PRTG: variants seen among roughly 807,000 people sequenced by gnomAD.
The protein encoded by PRTG is protogenin.
In PRTG, 67 loss-of-function variants were observed where a neutral mutation model predicts 122.5. That is an observed-to-expected ratio of 0.55 (90% CI 0.45 to 0.67). The LOEUF (loss-of-function observed/expected upper bound fraction) is 0.67, where lower values mean the gene tolerates loss of function less well. Ranked by LOEUF, PRTG falls within the 30% of genes least tolerant of loss-of-function variation. The probability of loss-of-function intolerance (pLI) is 0.00; values close to 1 mark genes in which losing one functional copy is unlikely to be tolerated. For synonymous variants in PRTG, 554 were observed against 501.1 expected (o/e 1.11, Z -1.41); for missense variants, 1,435 against 1,415.4 (o/e 1.01, Z -0.22).
intron 2 of PRTG, among the ~76,000 whole-genome samples, chr15:55,726,580 C>G (rs1295709295): frequency 6.7e-6 from 1 of 149,636 alleles, no homozygotes; most frequent in Admixed American, 6.7e-5. Context: ...TACAGTGAGC[C>G]GAGGCTATGC....
At chr15:55,648,286 C>T (rs967340027) in intron 11 of PRTG, among the ~76,000 whole-genome samples, 10 of 152,002 alleles carry the variant, frequency 6.6e-5, no homozygotes, top group Non-Finnish European at 1.3e-4. Context: ...GTTTCTTATC[C>T]TCAATGACCA....
intron 15 of PRTG, among the ~76,000 whole-genome samples, chr15:55,633,765 T>C (rs2059240787): frequency 1.3e-5 from 2 of 152,230 alleles, no homozygotes; most frequent in Admixed American, 1.3e-4. Context: ...TAAACTCAGT[T>C]GCTTTTTACT....
Position 55,625,020 on chromosome 15 carries a change from T to C in PRTG, c.2928-513A>G, listed in dbSNP as rs575769947. ...AGAACTATTTCATTAACATAATGTT[T>C]TGAGTAGTATGTTTCCATGTAGAGC... On this transcript the variant is annotated intron_variant, in intron 17 of 19. Transcript: ENST00000389286. 2.0e-5 allele frequency among the ~76,000 whole-genome samples: 3 copies of C among 152,330 alleles called. No homozygotes were observed. The South Asian group carries it at 6.2e-4, about 32-fold the overall frequency.
rs2059199431 is a variant in PRTG at position 55,627,139 on chromosome 15, A to T, written c.2807-11T>A. ...AATATCCTGAATAAACTAGAAGGGA[A>T]AACACATTTACTCAGAATCAATCAG... On this transcript the variant is annotated splice_polypyrimidine_tract_variant and intron_variant, in intron 16 of 19. Transcript: ENST00000389286. 6.4e-7 allele frequency: 1 copy of T among 1,566,058 alleles called. No homozygotes were observed. Among genetic ancestry groups the T allele is most frequent in the Non-Finnish European group, 8.7e-7 (1 of 1,148,340 alleles).
At chr15:55,732,475 G>A (rs1314597142) in intron 2 of PRTG, among the ~76,000 whole-genome samples, 2 of 148,988 alleles carry the variant, frequency 1.3e-5, no homozygotes, top group Non-Finnish European at 3.0e-5. Flanking sequence ...ATGAGCAACT[G>A]CGCCTGGCCA....
intron 4 of PRTG, among the ~76,000 whole-genome samples, chr15:55,681,793 C>T (rs1319038064): frequency 6.6e-5 from 10 of 152,074 alleles, no homozygotes; most frequent in Non-Finnish European, 1.2e-4. Context: ...CTGGTAGAAA[C>T]GGATGACTGT....
Position 55,673,412 on chromosome 15 carries a change from A to C in PRTG, c.1811T>G (p.Val604Gly), listed in dbSNP as rs1445850346. The C allele has an allele frequency of 2.5e-6, 4 of 1,614,164 alleles. No homozygotes were observed. The East Asian group carries it at 8.9e-5, about 36-fold the overall frequency. The change falls in exon 10 of 20, where the codon GTA becomes GGA. Residue 604 changes from valine to glycine, a missense_variant. Transcript: ENST00000389286. ...ATRVGLGESS[V>G]WTSHRTPKAT... is the part of the protein sequence containing the mutation. ...TTTGGGCGTCCTATGTGAAGTCCATACTGATGACTCTCCCAGCCCCACTCT... is the reference window on the plus strand; with the variant it reads ...TTTGGGCGTCCTATGTGAAGTCCATCCTGATGACTCTCCCAGCCCCACTCT...
At position 55,673,521 on chromosome 15, in the gene PRTG, C is replaced by A; in HGVS notation, c.1702G>T (p.Glu568Ter). 6.2e-7 allele frequency: 1 copy of A among 1,614,084 alleles called. No individual in the cohort carries two copies. Among genetic ancestry groups the A allele is most frequent in the Non-Finnish European group, 8.5e-7 (1 of 1,180,020 alleles). Reference sequence around the variant, plus strand: ...TACTCATGCGTGGTCCCCGGGAGCTCCAGAACTTGGATTGAATTCTCAGTA... The same window carrying A: ...TACTCATGCGTGGTCCCCGGGAGCTACAGAACTTGGATTGAATTCTCAGTA... ...LSTENSIQVL[E>*]LPGTTHEYLL... is the part of the protein sequence containing the mutation. The change falls in exon 10 of 20, where the codon GAG becomes TAG. Residue 568 changes from glutamate (E) to a stop codon, truncating the protein, a stop_gained. Transcript: ENST00000389286. LOFTEE classifies it high-confidence loss of function.
chr15:55,723,296 T>C (rs2030898165), intron 2 of PRTG, among the ~76,000 whole-genome samples: 1 of 150,868 alleles, frequency 6.6e-6, no homozygotes, highest in African/African-American at 2.4e-5. Flanking sequence ...AAGATAATAG[T>C]ATAATTAATG....
At chr15:55,705,923 C>A (rs796266119) in intron 2 of PRTG, among the ~76,000 whole-genome samples, 1 of 149,392 alleles carries the variant, frequency 6.7e-6, no homozygotes, top group African/African-American at 2.5e-5. Flanking sequence ...TCTTGGCTCA[C>A]TGCAACCTCC....
At position 55,686,205 on chromosome 15, in the gene PRTG, G is replaced by A. The variant is rs1036918549; in HGVS notation, c.398-2274C>T. Among the ~76,000 whole-genome samples the A allele has an allele frequency of 5.9e-5, 9 of 152,084 alleles. No individual in the cohort carries two copies. In the East Asian group the frequency reaches 7.7e-4, roughly 13 times the overall value. ...GGGGGGAATTAGGACCTACATTTCC[G>A]TAAATATAATGCTTGCTTTATGAAA... On this transcript the variant is annotated intron_variant, in intron 2 of 19. Coordinates refer to ENST00000389286, the MANE Select transcript of PRTG (RefSeq NM_173814.6).
chr15:55,726,679 A>G (rs1181573922), intron 2 of PRTG, among the ~76,000 whole-genome samples: 1 of 151,726 alleles, frequency 6.6e-6, no homozygotes, highest in Non-Finnish European at 1.5e-5. Flanking sequence ...TATAAAAAGT[A>G]TTTTCTCCAA....
At chr15:55,678,107 A>C in intron 7 of PRTG, 63 bp from the exon 8 acceptor site, 1 of 1,039,296 alleles carries the variant, frequency 9.6e-7, no homozygotes, top group South Asian at 1.5e-5. Flanking sequence ...AATAAAGTTT[A>C]GCTATTGCTA....
intron 15 of PRTG, among the ~76,000 whole-genome samples, chr15:55,629,359 GTATA>G (rs58741046): frequency 0.025 from 1,829 of 74,344 alleles, 32 homozygotes; most frequent in African/African-American, 0.046. Flanking sequence ...GTTTGGCTTT[GTATA>G]TATATATATA....
intron 11 of PRTG, among the ~76,000 whole-genome samples, chr15:55,650,054 T>A (rs753706773): frequency 6.6e-6 from 1 of 152,188 alleles, no homozygotes; most frequent in Admixed American, 6.5e-5. Flanking sequence ...GCTAAATGAC[T>A]AAATTTAAGG....
intron 2 of PRTG, among the ~76,000 whole-genome samples, chr15:55,721,756 G>A (rs148741486): frequency 6.6e-6 from 1 of 152,192 alleles, no homozygotes; most frequent in East Asian, 1.9e-4. Flanking sequence ...TTACAATCAC[G>A]GGAGAGGGAG....
intron 11 of PRTG, among the ~76,000 whole-genome samples, chr15:55,656,808 A>G (rs967571561): frequency 1.3e-5 from 2 of 152,228 alleles, no homozygotes; most frequent in African/African-American, 4.8e-5. Context: ...CCAGAGCAGT[A>G]TAATTGTCTT....
intron 2 of PRTG, among the ~76,000 whole-genome samples, chr15:55,706,692 G>A (rs2030138056): frequency 6.6e-6 from 1 of 151,994 alleles, no homozygotes; most frequent in Non-Finnish European, 1.5e-5. Flanking sequence ...CTTGAGCCCA[G>A]GAGTTCGACG....
chr15:55,645,006 G>C (rs2059312562), intron 11 of PRTG, among the ~76,000 whole-genome samples: 1 of 152,080 alleles, frequency 6.6e-6, no homozygotes, highest in Non-Finnish European at 1.5e-5. Flanking sequence ...TTCCTCTTTA[G>C]CTTTAACAAA....
Sources: allele counts gnomAD v4.1 joint callset (sites outside exome capture counted in the v4.1 genomes callset), GRCh38; gene constraint gnomAD v4.1.1; transcripts MANE v1.5; gene names NCBI Gene and HGNC (gene_info 2026-07-23, HGNC 2026-07-21).